Variants in KLHL29 observed in about 807,000 individuals in gnomAD.
KLHL29 encodes the protein kelch-like protein 29.
In KLHL29, 21 loss-of-function variants were observed where a neutral mutation model predicts 80.4. The ratio of observed to expected loss-of-function variants is 0.26; its 90% confidence interval spans 0.19 to 0.38. The LOEUF is 0.38. KLHL29 is among the 10% of genes least tolerant of loss of function. The probability of loss-of-function intolerance (pLI) is 1.00; values close to 1 mark genes in which losing one functional copy is unlikely to be tolerated. For missense variants in KLHL29, 867 were observed against 1,223.9 expected, an observed-to-expected ratio of 0.71 and a Z score of 4.35; for synonymous variants, 511 against 526.8, an observed-to-expected ratio of 0.97 and a Z score of 0.41.
In KLHL29 at chr2:23,487,589, A is replaced by C. The variant is rs555043244; in HGVS notation, c.-46+11922A>C. ...GCCATCACCTGCCATCAAGGCCAGCAGCCCACCCTGTATCATCTGCAGGAC... is the reference window on the plus strand; with the variant it reads ...GCCATCACCTGCCATCAAGGCCAGCCGCCCACCCTGTATCATCTGCAGGAC... On this transcript the variant is annotated intron_variant, in intron 2 of 13. Transcript: ENST00000486442. 2.6e-5 allele frequency among the ~76,000 whole-genome samples: 4 copies of C among 152,216 alleles called. No individual in the cohort carries two copies. In the South Asian group the frequency reaches 8.3e-4, roughly 32 times the overall value.
Position 23,473,960 on chromosome 2 carries a change from G to A in KLHL29, c.-153-1600G>A, listed in dbSNP as rs192587709. ...CACACGACCTACTCCTCATCTTGAA[G>A]TGTGTGCTCAAATGTCCTCCACTCA... On this transcript the variant is annotated intron_variant, in intron 1 of 13. Transcript: ENST00000486442. 2.6e-5 allele frequency among the ~76,000 whole-genome samples: 4 copies of A among 152,172 alleles called. No homozygotes were observed. The East Asian group carries it at 5.8e-4, about 22-fold the overall frequency.
chr2:23,598,338 G>A (rs1668480274), intron 3 of KLHL29, among the ~76,000 whole-genome samples: 1 of 152,160 alleles, frequency 6.6e-6, no homozygotes, highest in African/African-American at 2.4e-5. Flanking sequence ...TTGAAGTCAG[G>A]TCCCACTGAC....
At position 23,680,085 on chromosome 2, in the gene KLHL29, G is replaced by A. The variant is rs1671033138; in HGVS notation, c.941-4314G>A. Reference sequence around the variant, plus strand: ...GTGGCTGTGAGGATGCAGTGTGGAGGTGGCCTGGAGGGGGACAGGCTGGAA... The same window carrying A: ...GTGGCTGTGAGGATGCAGTGTGGAGATGGCCTGGAGGGGGACAGGCTGGAA... On this transcript the variant is annotated intron_variant, in intron 5 of 13. Coordinates refer to ENST00000486442, the MANE Select transcript of KLHL29 (RefSeq NM_052920.2). This position sits in a 1 kb window ranked among gnomAD's most constrained non-coding sequence, Gnocchi z 4.1. Among the ~76,000 whole-genome samples the A allele has an allele frequency of 6.6e-6, 1 of 152,200 alleles. No homozygotes were observed. The highest frequency in any genetic ancestry group is 2.1e-4 in the South Asian group (1 of 4,828).
chr2:23,604,005 G>T (rs1246410498), intron 3 of KLHL29, among the ~76,000 whole-genome samples: 2 of 152,238 alleles, frequency 1.3e-5, no homozygotes, highest in African/African-American at 4.8e-5. Flanking sequence ...GGTACTGGGT[G>T]CACAGTTCTA....
At chr2:23,498,244 A>G (rs1027240856) in intron 2 of KLHL29, among the ~76,000 whole-genome samples, 1 of 152,234 alleles carries the variant, frequency 6.6e-6, no homozygotes, top group African/African-American at 2.4e-5. Context: ...AAAGCAGGCA[A>G]GAATTCCCCG....
chr2:23,507,588 T>C (rs1289439920), intron 2 of KLHL29, among the ~76,000 whole-genome samples: 1 of 152,186 alleles, frequency 6.6e-6, no homozygotes, highest in African/African-American at 2.4e-5. Flanking sequence ...TCTTGAAATC[T>C]AAATGTTTAA....
At chr2:23,516,259 C>G (rs535025407) in intron 2 of KLHL29, among the ~76,000 whole-genome samples, 2 of 152,218 alleles carry the variant, frequency 1.3e-5, no homozygotes, top group African/African-American at 4.8e-5. Flanking sequence ...CTGCTGGGCC[C>G]GGGACTGGGA....
chr2:23,390,982 G>A lies in KLHL29; in HGVS notation c.-154+5202G>A, dbSNP rs139049357. On this transcript the variant is annotated intron_variant, in intron 1 of 13. Coordinates refer to ENST00000486442, the MANE Select transcript of KLHL29 (RefSeq NM_052920.2). Reference sequence around the variant, plus strand: ...ACTGTGCATTCGTAGCATTCACATTGTTGTGCAAGCAAGCTCCAGAACCCT... The same window carrying A: ...ACTGTGCATTCGTAGCATTCACATTATTGTGCAAGCAAGCTCCAGAACCCT... Among the ~76,000 whole-genome samples the A allele has an allele frequency of 2.6e-4, 39 of 152,288 alleles. No homozygotes were observed. The Middle Eastern group carries it at 0.01, about 40-fold the overall frequency.
At chr2:23,478,530 A>G (rs1664697175) in intron 2 of KLHL29, among the ~76,000 whole-genome samples, 1 of 152,194 alleles carries the variant, frequency 6.6e-6, no homozygotes, top group Non-Finnish European at 1.5e-5. Context: ...CAAATAAGTA[A>G]GAAGGCCATA....
At chr2:23,705,663 G>A (rs1288038234) in intron 13 of KLHL29, among the ~76,000 whole-genome samples, 1 of 152,190 alleles carries the variant, frequency 6.6e-6, no homozygotes, top group Non-Finnish European at 1.5e-5. Flanking sequence ...AGTCCAGACT[G>A]ATGTGTTCTC....
chr2:23,694,754 C>T (rs1671842875), intron 8 of KLHL29, among the ~76,000 whole-genome samples: 1 of 152,214 alleles, frequency 6.6e-6, no homozygotes, highest in South Asian at 2.1e-4. Flanking sequence ...TCCCATCCAC[C>T]TTGTGCCTGG....
At chr2:23,422,661 C>T (rs979666133) in intron 1 of KLHL29, among the ~76,000 whole-genome samples, 4 of 148,630 alleles carry the variant, frequency 2.7e-5, no homozygotes, top group African/African-American at 1.0e-4. Context: ...GTGTGTGTGT[C>T]CGTGTGTCTT....
intron 1 of KLHL29, among the ~76,000 whole-genome samples, chr2:23,417,466 G>A (rs547946352): frequency 6.6e-6 from 1 of 152,262 alleles, no homozygotes; most frequent in South Asian, 2.1e-4. Context: ...ACTTACATAC[G>A]TCGAACCTCG....
In KLHL29 at chr2:23,436,280, TTGTGTGTGTGTGTG is replaced by T. The variant is rs57931176; in HGVS notation, c.-153-39242_-153-39229del. On this transcript the variant is annotated intron_variant, in intron 1 of 13. Transcript: ENST00000486442. ...AAGAGAAGTAAATAGCCAATCAGCT[TTGTGTGTGTGTGTG>T]TGTGTGTGTGTGTGTGTGTGTGTGT... Among the ~76,000 whole-genome samples, 483 of 137,022 alleles carry T rather than the reference TTGTGTGTGTGTGTG, an allele frequency of 3.5e-3. 3 individuals are homozygous for T. Among genetic ancestry groups the T allele is most frequent in the South Asian group, 0.016 (61 of 3,900 alleles). 89.9% of individuals were successfully genotyped at this position (137,022 alleles called of 152,430 possible). A position where few individuals can be genotyped will look rare whatever the true frequency, so the allele number is the denominator to read the frequency against.
intron 2 of KLHL29, among the ~76,000 whole-genome samples, chr2:23,551,492 T>A (rs57823781): frequency 0.14 from 21,477 of 152,236 alleles, 1,981 homozygotes; most frequent in Middle Eastern, 0.3. Flanking sequence ...GACAGGGAGA[T>A]TGCTTTTTGT....
intron 5 of KLHL29, among the ~76,000 whole-genome samples, chr2:23,657,145 G>A (rs540409745): frequency 6.6e-6 from 1 of 152,184 alleles, no homozygotes; most frequent in East Asian, 1.9e-4. Context: ...CTCTGACAAG[G>A]CACCCCTGCC....
Position 23,562,256 on chromosome 2 carries a change from A to T in KLHL29, c.60A>T (p.Glu20Asp), listed in dbSNP as rs759826705. ...RDYRVGWDRR[E>D]WSVNGTHGTT... ...ACCGGGTGGGCTGGGACCGCCGCGA[A>T]TGGAGCGTCAACGGGACGCATGGGA... Residue 20 changes from glutamate (E) to aspartate (D), a missense_variant, in exon 3 of 14, where the codon GAA (glutamate) becomes GAT (aspartate). Glu to Asp is a conservative substitution (Grantham distance 45, BLOSUM62 2). Coordinates refer to ENST00000486442, the MANE Select transcript of KLHL29 (RefSeq NM_052920.2). This position sits in a 1 kb window ranked among gnomAD's most constrained non-coding sequence, Gnocchi z 4.5. 1 of 1,550,352 alleles carries T rather than the reference A, an allele frequency of 6.5e-7. No homozygotes were observed. Among genetic ancestry groups the T allele is most frequent in the Non-Finnish European group, 8.7e-7 (1 of 1,146,848 alleles).
At position 23,424,863 on chromosome 2, in the gene KLHL29, C is replaced by T. The variant is rs756868796; in HGVS notation, c.-154+39083C>T. ...AAAACACTGCAGTTGATTTTCCTTA[C>T]GCTCAAAAATGCACGAATTCTAACG... On this transcript the variant is annotated intron_variant, in intron 1 of 13. Transcript: ENST00000486442. Among the ~76,000 whole-genome samples the T allele has an allele frequency of 5.3e-5, 8 of 152,192 alleles. No homozygotes were observed. The South Asian group carries it at 6.2e-4, about 12-fold the overall frequency.
chr2:23,633,035 C>T (rs781081822), intron 3 of KLHL29, among the ~76,000 whole-genome samples: 3 of 152,218 alleles, frequency 2.0e-5, no homozygotes, highest in Non-Finnish European at 4.4e-5. Context: ...CGCCCGTGAG[C>T]ATCCCTTGCC....
Sources: gnomAD v4.1 joint callset for allele counts (sites outside exome capture counted in the v4.1 genomes callset) on GRCh38, gnomAD v4.1.1 for gene constraint, Gnocchi (gnomAD v3.1) non-coding constraint, MANE v1.5 for transcripts, NCBI Gene and HGNC (gene_info 2026-07-23, HGNC 2026-07-21) for gene names.